The following MTFR1 variants were observed in gnomAD, a reference collection of about 807,000 sequenced individuals.
The protein encoded by MTFR1 is chondrocyte protein with a poly-proline region.
Under a neutral mutation model 38.8 loss-of-function variants are expected in MTFR1, and 28 were observed. The ratio of observed to expected loss-of-function variants is 0.72; its 90% CI spans 0.53 to 0.99. The LOEUF (loss-of-function observed/expected upper bound fraction) is 0.99. MTFR1 is among the 50% of genes least tolerant of loss of function. MTFR1 has a pLI of 0.00. For synonymous variants in MTFR1, 145 were observed against 137.0 expected (o/e 1.06, Z -0.41); for missense variants, 358 against 395.5 (o/e 0.91, Z 0.81).
At chr8:65,658,614 A>G (rs550584184) in intron 1 of MTFR1, among the ~76,000 whole-genome samples, 1 of 152,316 alleles carries the variant, frequency 6.6e-6, no homozygotes, top group East Asian at 1.9e-4. Context: ...ACATGTGTGC[A>G]TGCACATATA....
At chr8:65,706,008 A>G (rs1805770050) in intron 5 of MTFR1, among the ~76,000 whole-genome samples, 1 of 152,200 alleles carries the variant, frequency 6.6e-6, no homozygotes, top group South Asian at 2.1e-4. Context: ...CTGTTGGATA[A>G]GGACAATTAA....
At chr8:65,662,002 CCTCTCCCTCTCTCTCTCCCTCTCT>C (rs1162720012) in intron 1 of MTFR1, among the ~76,000 whole-genome samples, 1 of 139,114 alleles carries the variant, frequency 7.2e-6, no homozygotes, top group Non-Finnish European at 1.5e-5. Flanking sequence ...AAGCCCTCTC[CCTCTCCCTCTCTCTCTCCCTCTCT>C]CTCTCCCTCT....
At chr8:65,661,933 C>T (rs1809424497) in intron 1 of MTFR1, among the ~76,000 whole-genome samples, 1 of 152,096 alleles carries the variant, frequency 6.6e-6, no homozygotes, top group Non-Finnish European at 1.5e-5. Flanking sequence ...CACTGTACTC[C>T]AGCCTGGGCA....
chr8:65,667,839 A>G (rs1020588552), intron 1 of MTFR1, among the ~76,000 whole-genome samples: 12 of 152,130 alleles, frequency 7.9e-5, no homozygotes, highest in Non-Finnish European at 1.3e-4. Context: ...TTTTCCCAAT[A>G]TAAGCTTTTA....
Position 65,682,332 on chromosome 8 carries a change from C to T in MTFR1, c.67-21C>T, listed in dbSNP as rs199795578. ...TCTGTACATCTTGTAATTAAGCTTT[C>T]GGTTTTTCCTACTTCCTCAGGTACT... On this transcript the variant is annotated intron_variant, in intron 2 of 7. Coordinates refer to ENST00000262146, the MANE Select transcript of MTFR1 (RefSeq NM_014637.4). The T allele has an allele frequency of 2.7e-5, 37 of 1,351,384 alleles. 1 individual carries two copies. Among genetic ancestry groups the T allele is most frequent in the Middle Eastern group, 1.9e-4 (1 of 5,400 alleles). The allele number at this position is 1,351,384 out of a possible 1,614,324, so 83.7% of individuals were successfully genotyped here.
intron 1 of MTFR1, among the ~76,000 whole-genome samples, chr8:65,652,836 TG>T (rs1449454015): frequency 6.6e-6 from 1 of 152,226 alleles, no homozygotes; most frequent in Non-Finnish European, 1.5e-5. Context: ...CTTTCCTATT[TG>T]GATGTCCTTT....
chr8:65,679,386 A>G (rs1804810465), intron 2 of MTFR1: 1 of 152,236 alleles, frequency 6.6e-6, no homozygotes, highest in Non-Finnish European at 1.5e-5. Flanking sequence ...CAGGTGGATC[A>G]CTTGAGGTCA....
At chr8:65,767,554 T>C (rs1054556006) in intron 3 of MTFR1, among the ~76,000 whole-genome samples, 12 of 152,178 alleles carry the variant, frequency 7.9e-5, no homozygotes, top group African/African-American at 2.4e-4. Context: ...CAATCTTCCC[T>C]GGCCTTTCTG....
At chr8:65,757,779 C>T (rs975361464) in intron 3 of MTFR1, among the ~76,000 whole-genome samples, 10 of 152,198 alleles carry the variant, frequency 6.6e-5, no homozygotes, top group East Asian at 3.9e-4. Context: ...CCACCACGCC[C>T]GGCTAACTTT....
chr8:65,673,632 C>G (rs964592232), intron 2 of MTFR1, among the ~76,000 whole-genome samples: 1 of 151,428 alleles, frequency 6.6e-6, no homozygotes, highest in Admixed American at 6.6e-5. Flanking sequence ...GGCCAGGCAT[C>G]GTGGCTCACA....
intron 2 of MTFR1, chr8:65,679,674 T>C (rs1239924298): frequency 6.6e-6 from 1 of 152,158 alleles, no homozygotes; most frequent in Non-Finnish European, 1.5e-5. Context: ...TTAAATACTG[T>C]CTTAGAATTA....
the MTFR1 span, among the ~76,000 whole-genome samples, chr8:65,778,587 A>G: frequency 0.48 from 73,213 of 152,072 alleles, 20,531 homozygotes; most frequent in African/African-American, 0.78. Context: ...AATAGTGGTT[A>G]TTTTATGCCA....
downstream of MTFR1, among the ~76,000 whole-genome samples, chr8:65,712,638 A>G (rs978701914): frequency 4.6e-5 from 7 of 152,238 alleles, no homozygotes; most frequent in African/African-American, 1.7e-4. Context: ...GCCACTCAGA[A>G]GATTAGGTAA....
intron 2 of MTFR1, among the ~76,000 whole-genome samples, chr8:65,716,440 A>G (rs1207393624): frequency 6.6e-6 from 1 of 152,190 alleles, no homozygotes; most frequent in African/African-American, 2.4e-5. Context: ...AAGCTGATGT[A>G]GAGAAGCAAC....
intron 4 of MTFR1, among the ~76,000 whole-genome samples, chr8:65,699,441 A>C (rs2129057597): frequency 6.6e-6 from 1 of 152,324 alleles, no homozygotes; most frequent in Admixed American, 6.5e-5. Flanking sequence ...TGGCTGAGCT[A>C]ATTTACATTC....
chr8:65,721,302 CAAAG>C (rs1004424152), intron 3 of MTFR1, among the ~76,000 whole-genome samples: 5 of 152,154 alleles, frequency 3.3e-5, no homozygotes, highest in African/African-American at 4.8e-5. Context: ...GTATTCCTAT[CAAAG>C]AAAGAAACTG....
Position 65,709,058 on chromosome 8 carries a change from G to C in MTFR1, c.*14G>C. 6.2e-7 allele frequency: 1 copy of C among 1,613,172 alleles called. No individual in the cohort carries two copies. The highest frequency in any genetic ancestry group is 8.5e-7 in the Non-Finnish European group (1 of 1,179,174). On this transcript the variant is annotated 3_prime_UTR_variant, in exon 8 of 8. Transcript: ENST00000262146. ...TCAGACTCCTAATAGACAATGAGCT[G>C]CGAAAAGACTCCTGGTTCCCCTGTT...
At chr8:65,767,715 T>C (rs1453205023) in intron 3 of MTFR1, among the ~76,000 whole-genome samples, 1 of 152,144 alleles carries the variant, frequency 6.6e-6, no homozygotes, top group African/African-American at 2.4e-5. Context: ...GTAGAGTTTC[T>C]TGGAGGGTGG....
intron 3 of MTFR1, chr8:65,724,223 T>G (rs772141413): frequency 7.5e-7 from 1 of 1,341,002 alleles, no homozygotes; most frequent in East Asian, 2.3e-5. Flanking sequence ...ATGAACTGGA[T>G]AGATTAATTA....
Sources: gnomAD v4.1 joint callset for allele counts (sites outside exome capture counted in the v4.1 genomes callset) on GRCh38, gnomAD v4.1.1 for gene constraint, MANE v1.5 for transcripts, NCBI Gene and HGNC (gene_info 2026-07-23, HGNC 2026-07-21) for gene names.